CNTN1: variants seen among roughly 807,000 people sequenced by gnomAD.
CNTN1 encodes contactin-1.
A neutral mutation model predicts 126.4 loss-of-function variants in CNTN1; 38 were observed. That is an observed-to-expected ratio of 0.30 (90% CI 0.23 to 0.39). The LOEUF (loss-of-function observed/expected upper bound fraction) is 0.39, where lower values mean the gene tolerates loss of function less well. Ranked by LOEUF, CNTN1 falls within the 10% of genes least tolerant of loss-of-function variation. The pLI is 1.00. For missense variants in CNTN1, 1,009 were observed against 1,248.4 expected, an observed-to-expected ratio of 0.81 and a Z score of 2.89; for synonymous variants, 413 against 422.6, an observed-to-expected ratio of 0.98 and a Z score of 0.28.
chr12:40,716,596 A>G (rs1003088282), intron 1 of CNTN1, among the ~76,000 whole-genome samples: 26 of 152,214 alleles, frequency 1.7e-4, no homozygotes, highest in Admixed American at 7.2e-4. Context: ...CACTAGCTGC[A>G]TTTCCAAGTA....
chr12:40,701,223 A>G (rs1354093433), intron 1 of CNTN1, among the ~76,000 whole-genome samples: 5 of 152,220 alleles, frequency 3.3e-5, no homozygotes, highest in Non-Finnish European at 5.9e-5. Context: ...ATTTATGAAT[A>G]TCTTATTGAT....
chr12:41,055,446 T>C (rs773054031), intron 23 of CNTN1, among the ~76,000 whole-genome samples: 4 of 152,140 alleles, frequency 2.6e-5, no homozygotes. Flanking sequence ...CCTTTTCTGC[T>C]GCCACCTGGA....
At chr12:40,780,257 C>T (rs1596532) in intron 1 of CNTN1, among the ~76,000 whole-genome samples, 150,514 of 151,992 alleles carry the variant, frequency 0.99, 74,531 homozygotes, top group Middle Eastern at 1. Flanking sequence ...TTTGTCTACC[C>T]AAGATGGGCA....
chr12:40,745,586 C>T lies in CNTN1; in HGVS notation c.-77+52994C>T, dbSNP rs200690711. Among the ~76,000 whole-genome samples the T allele has an allele frequency of 2.8e-4, 42 of 152,176 alleles. No homozygotes were observed. In the East Asian group the frequency reaches 7.9e-3, roughly 29 times the overall value. On this transcript the variant is annotated intron_variant, in intron 1 of 23. Coordinates refer to ENST00000551295, the MANE Select transcript of CNTN1 (RefSeq NM_001843.4). ...GGTTCTTACTATACAAATTAAGCCT[C>T]CAGGTGGCAGGCTTCAGAGAGAATA...
chr12:40,943,702 C>T lies in CNTN1; in HGVS notation c.1485C>T (p.Ser495=), dbSNP rs1473989511. ...AAAATAACAGAGGGAAAGCTAATAG[C>T]ACTGGAACCCTTGTTATCACAGGTA... ...FAENNRGKAN[S]TGTLVITDPT... is the part of the protein sequence containing the mutation. Residue 495 remains serine, a synonymous_variant, in exon 13 of 24, where the codon AGC becomes AGT. Transcript: ENST00000551295. 6.2e-7 allele frequency: 1 copy of T among 1,612,666 alleles called. No individual in the cohort carries two copies. The highest frequency in any genetic ancestry group is 1.3e-5 in the African/African-American group (1 of 74,944).
In CNTN1 at chr12:41,032,972, A is replaced by G. The variant is rs147998505; in HGVS notation, c.2980+3753A>G. On this transcript the variant is annotated intron_variant, in intron 23 of 23. Coordinates refer to ENST00000551295, the MANE Select transcript of CNTN1 (RefSeq NM_001843.4). ...TAGAGAAAAGCCCACTAACAAGAAT[A>G]ACTTGGGCAACTTAAAACTATAGTT... Among the ~76,000 whole-genome samples, 440 of 152,350 alleles carry G rather than the reference A, an allele frequency of 2.9e-3. 2 individuals carry two copies. Among genetic ancestry groups the G allele is most frequent in the Middle Eastern group, 6.8e-3 (2 of 294 alleles).
At chr12:40,706,203 G>A (rs1311530626) in intron 1 of CNTN1, among the ~76,000 whole-genome samples, 1 of 151,690 alleles carries the variant, frequency 6.6e-6, no homozygotes, top group African/African-American at 2.4e-5. Context: ...TGCCATGTTG[G>A]TGTGCTGCAC....
chr12:40,810,945 A>G (rs756213894), intron 1 of CNTN1, among the ~76,000 whole-genome samples: 1 of 152,182 alleles, frequency 6.6e-6, no homozygotes, highest in East Asian at 1.9e-4. Context: ...TGAGGTTACA[A>G]TCAGCTACAA....
chr12:40,712,402 T>G (rs1302904206), intron 1 of CNTN1, among the ~76,000 whole-genome samples: 1 of 152,132 alleles, frequency 6.6e-6, no homozygotes, highest in Non-Finnish European at 1.5e-5. Flanking sequence ...GTTTCAAATG[T>G]GTATCTGCTA....
At chr12:41,026,550 C>T (rs1466385995) in intron 21 of CNTN1, among the ~76,000 whole-genome samples, 1 of 152,190 alleles carries the variant, frequency 6.6e-6, no homozygotes, top group Non-Finnish European at 1.5e-5. Context: ...CCTTAAGGTT[C>T]TTTGCACTCT....
intron 1 of CNTN1, among the ~76,000 whole-genome samples, chr12:40,872,253 TGTGTGTG>T (rs1465994847): frequency 6.7e-6 from 1 of 149,642 alleles, no homozygotes; most frequent in African/African-American, 2.5e-5. Context: ...TGTGTGTGTG[TGTGTGTG>T]TTTTCCCTAT....
chr12:40,778,646 G>A (rs1197300421), intron 1 of CNTN1, among the ~76,000 whole-genome samples: 11 of 151,362 alleles, frequency 7.3e-5, no homozygotes, highest in African/African-American at 2.4e-4. Context: ...GCTTAAACAC[G>A]AACAATCCCT....
chr12:40,859,628 T>C (rs558841942), intron 1 of CNTN1, among the ~76,000 whole-genome samples: 1 of 152,226 alleles, frequency 6.6e-6, no homozygotes, highest in South Asian at 2.1e-4. Flanking sequence ...TAATATCCCA[T>C]CATATTGACA....
intron 23 of CNTN1, among the ~76,000 whole-genome samples, chr12:41,059,290 C>T (rs976001831): frequency 6.6e-6 from 1 of 152,070 alleles, no homozygotes; most frequent in Non-Finnish European, 1.5e-5. Flanking sequence ...GACTGAAGAC[C>T]AACAGAACTT....
intron 23 of CNTN1, among the ~76,000 whole-genome samples, 161 bp from the exon 24 acceptor site, chr12:41,069,798 T>A (rs1950125999): frequency 6.6e-6 from 1 of 152,190 alleles, no homozygotes; most frequent in Admixed American, 6.5e-5. Context: ...ATCAAAAGCT[T>A]TTGTTTTTCT....
rs1408455109 is a variant in CNTN1, at chr12:40,933,510, A to G, written c.753A>G (p.Val251=). Residue 251 remains valine (V), a synonymous_variant, in exon 8 of 24, where the codon GTA becomes GTG. Coordinates refer to ENST00000551295, the MANE Select transcript of CNTN1 (RefSeq NM_001843.4). ...ATATTGTAGTTCAGTTCAAGGATGT[A>G]TATGCATTGATGGGCCAAAATGTGA... ...PADIVVQFKD[V]YALMGQNVTL... is the part of the protein sequence containing the mutation. 1.2e-6 allele frequency: 2 copies of G among 1,612,106 alleles called. No individual in the cohort carries two copies. The highest frequency in any genetic ancestry group is 1.1e-5 in the South Asian group (1 of 91,048).
intron 1 of CNTN1, among the ~76,000 whole-genome samples, chr12:40,888,499 T>C (rs1344183896): frequency 6.6e-6 from 1 of 152,200 alleles, no homozygotes; most frequent in Non-Finnish European, 1.5e-5. Context: ...CAGTCTGTAA[T>C]CATGGCTTGG....
At chr12:41,034,489 G>A (rs1160263989) in intron 23 of CNTN1, among the ~76,000 whole-genome samples, 1 of 152,196 alleles carries the variant, frequency 6.6e-6, no homozygotes, top group East Asian at 1.9e-4. Flanking sequence ...AGAGGGACAA[G>A]AGGATAGTAG....
At position 40,870,868 on chromosome 12, in the gene CNTN1, C is replaced by T. The variant is rs1193210766; in HGVS notation, c.-76-37489C>T. ...TGAGTGGAAAGACTAATGAGAACTA[C>T]AGCATCCTTGGTTTGCAGATGTTTC... On this transcript the variant is annotated intron_variant, in intron 1 of 23. Coordinates refer to ENST00000551295, the MANE Select transcript of CNTN1 (RefSeq NM_001843.4). Among the ~76,000 whole-genome samples, 3 of 152,126 alleles carry T rather than the reference C, an allele frequency of 2.0e-5. No homozygotes were observed. In the East Asian group the frequency reaches 5.8e-4, roughly 29 times the overall value.
Sources: allele counts gnomAD v4.1 joint callset (sites outside exome capture counted in the v4.1 genomes callset), GRCh38; gene constraint gnomAD v4.1.1; transcripts MANE v1.5; gene names NCBI Gene and HGNC (gene_info 2026-07-23, HGNC 2026-07-21).